The following CDH23 variants were observed in gnomAD, a reference collection of about 807,000 sequenced individuals.
The protein encoded by CDH23 is cadherin related 23.
A neutral mutation model predicts 317.1 loss-of-function variants in CDH23; 189 were observed. The observed-to-expected ratio is 0.60, with a 90% CI of 0.53 to 0.67. The LOEUF (loss-of-function observed/expected upper bound fraction) is 0.67, where lower values mean the gene tolerates loss of function less well. Among genes scored for constraint, CDH23 ranks in the 30% least tolerant of loss-of-function variants. The pLI is 0.00. For synonymous variants in CDH23, 1,839 were observed against 1,876.8 expected, an observed-to-expected ratio of 0.98 and a Z score of 0.52; for missense variants, 4,401 against 4,592.4, an observed-to-expected ratio of 0.96 and a Z score of 1.20.
At chr10:71,773,590 C>A in intron 38 of CDH23, 2 of 636,832 alleles carry the variant, frequency 3.1e-6, no homozygotes, top group Non-Finnish European at 4.8e-6. Flanking sequence ...CTTCGCGCAG[C>A]GCCCCCGGGG....
At chr10:71,510,923 T>C (rs1181156367) in intron 4 of CDH23, 31 bp from the exon 5 acceptor site, 1 of 1,613,468 alleles carries the variant, frequency 6.2e-7, no homozygotes, top group Admixed American at 1.7e-5. Flanking sequence ...ACCGCCTAAC[T>C]GCCCCCCTCC....
At chr10:71,574,716 G>C (rs1411492268) in intron 8 of CDH23, among the ~76,000 whole-genome samples, 1 of 152,166 alleles carries the variant, frequency 6.6e-6, no homozygotes, top group African/African-American at 2.4e-5. Flanking sequence ...CCTGACAAGG[G>C]CATCTTTGGA....
At chr10:71,649,105 TC>T (rs1863040606) in intron 14 of CDH23, among the ~76,000 whole-genome samples, 1 of 151,854 alleles carries the variant, frequency 6.6e-6, no homozygotes, top group Non-Finnish European at 1.5e-5. Context: ...TGACCCACCC[TC>T]CCCCCTTCCT....
chr10:71,430,696 T>A (rs1193929192), intron 1 of CDH23, among the ~76,000 whole-genome samples: 1 of 152,132 alleles, frequency 6.6e-6, no homozygotes, highest in Non-Finnish European at 1.5e-5. Flanking sequence ...TGTACTCCCA[T>A]GTACTCCCAG....
chr10:71,772,820 C>T (rs377744729), intron 38 of CDH23, among the ~76,000 whole-genome samples: 2 of 152,324 alleles, frequency 1.3e-5, no homozygotes, highest in South Asian at 2.1e-4. Flanking sequence ...GCAGTGCTGC[C>T]TCTGTGTCTG....
At chr10:71,620,154 C>T (rs1329800128) in intron 11 of CDH23, among the ~76,000 whole-genome samples, 13 of 152,250 alleles carry the variant, frequency 8.5e-5, no homozygotes, top group Non-Finnish European at 1.0e-4. Flanking sequence ...AGGCTAAGTA[C>T]CAGCTCTTCT....
At chr10:71,643,597 C>T (rs1388998681) in intron 11 of CDH23, among the ~76,000 whole-genome samples, 1 of 151,974 alleles carries the variant, frequency 6.6e-6, no homozygotes, top group Non-Finnish European at 1.5e-5. Flanking sequence ...GCCGTTGAGC[C>T]TCTTCTGGGT....
intron 38 of CDH23, chr10:71,761,740 G>A (rs763816748): frequency 2.8e-5 from 45 of 1,614,086 alleles, no homozygotes; most frequent in Middle Eastern, 1.7e-4. Context: ...CATGGTGGTC[G>A]GAGGCCGACT....
chr10:71,520,363 G>T (rs181471041), intron 6 of CDH23, among the ~76,000 whole-genome samples: 42 of 152,342 alleles, frequency 2.8e-4, no homozygotes, highest in African/African-American at 9.4e-4. Context: ...CGTAGACTCT[G>T]TGAAACCAGC....
intron 38 of CDH23, among the ~76,000 whole-genome samples, chr10:71,744,667 C>T (rs9415037): frequency 0.2 from 31,070 of 152,126 alleles, 3,241 homozygotes; most frequent in East Asian, 0.25. Context: ...ACCAGCTCCC[C>T]GGTGAGAGCA....
intron 30 of CDH23, among the ~76,000 whole-genome samples, chr10:71,727,437 C>G (rs1056756453): frequency 6.6e-6 from 1 of 152,224 alleles, no homozygotes; most frequent in Non-Finnish European, 1.5e-5. Flanking sequence ...AGCCTCCACA[C>G]CCATGAGACC....
intron 17 of CDH23, among the ~76,000 whole-genome samples, chr10:71,679,858 C>T (rs1864540898): frequency 6.6e-6 from 1 of 152,188 alleles, no homozygotes; most frequent in Non-Finnish European, 1.5e-5. Context: ...TTTGGGCGGC[C>T]GTGTGGGACC....
At chr10:71,744,946 T>A (rs2132852190) in intron 38 of CDH23, among the ~76,000 whole-genome samples, 1 of 152,330 alleles carries the variant, frequency 6.6e-6, no homozygotes, top group Admixed American at 6.5e-5. Context: ...TCCCCCTGCT[T>A]CTCCAAGTTG....
intron 38 of CDH23, chr10:71,755,609 C>A: frequency 1.3e-6 from 1 of 749,508 alleles, no homozygotes; most frequent in Non-Finnish European, 2.2e-6. Context: ...CAGCAACCTA[C>A]AGAGGCATGG....
At chr10:71,689,924 T>G (rs978338343) in intron 19 of CDH23, among the ~76,000 whole-genome samples, 46 of 152,292 alleles carry the variant, frequency 3.0e-4, no homozygotes, top group African/African-American at 1.1e-3. Flanking sequence ...CAAGCTGTTC[T>G]CAGGGTCTGG....
intron 40 of CDH23, 59 bp downstream of exon 40, chr10:71,778,367 A>G (rs2132927562): frequency 6.2e-7 from 1 of 1,605,660 alleles, no homozygotes; most frequent in South Asian, 1.1e-5. Flanking sequence ...GATGGGACCC[A>G]GAAAGCTCCG....
chr10:71,545,242 C>T (rs533916764), intron 6 of CDH23, among the ~76,000 whole-genome samples: 123 of 152,226 alleles, frequency 8.1e-4, no homozygotes, highest in Non-Finnish European at 1.3e-3. Flanking sequence ...AGACAGGCAC[C>T]GTGCTCCCAG....
chr10:71,726,707 T>A (rs1866827707), intron 30 of CDH23, among the ~76,000 whole-genome samples: 1 of 152,204 alleles, frequency 6.6e-6, no homozygotes, highest in Non-Finnish European at 1.5e-5. Context: ...TACGCCCTCA[T>A]CAGAGCCTGC....
chr10:71,813,781 G>A (rs773143996), intron 69 of CDH23, among the ~76,000 whole-genome samples: 2 of 152,034 alleles, frequency 1.3e-5, no homozygotes, highest in South Asian at 4.1e-4. Context: ...GGTGGCGGAC[G>A]CCTATAATCC....
Sources: gnomAD v4.1 joint callset for allele counts (sites outside exome capture counted in the v4.1 genomes callset) on GRCh38, gnomAD v4.1.1 for gene constraint, MANE v1.5 for transcripts, NCBI Gene and HGNC (gene_info 2026-07-23, HGNC 2026-07-21) for gene names.